PRKCH: variants seen among roughly 807,000 people sequenced by gnomAD.
The protein encoded by PRKCH is protein kinase C eta type.
In PRKCH, 28 loss-of-function variants were observed where a neutral mutation model predicts 82.5. That is an observed-to-expected ratio of 0.34 (90% CI 0.25 to 0.47). The LOEUF is 0.47. PRKCH is among the 20% of genes least tolerant of loss of function. PRKCH has a pLI of 1.00. For missense variants in PRKCH, 705 were observed against 881.8 expected, an observed-to-expected ratio of 0.80 and a Z score of 2.54; for synonymous variants, 322 against 327.4, an observed-to-expected ratio of 0.98 and a Z score of 0.18.
At chr14:61,324,597 A>T (rs1192503742) in intron 1 of PRKCH, among the ~76,000 whole-genome samples, 1 of 152,052 alleles carries the variant, frequency 6.6e-6, no homozygotes, top group African/African-American at 2.4e-5. Context: ...ATGCTTTTTT[A>T]AAAAAGTATC....
chr14:61,311,397 T>G (rs2045522624), intron 1 of PRKCH, among the ~76,000 whole-genome samples: 1 of 152,202 alleles, frequency 6.6e-6, no homozygotes, highest in African/African-American at 2.4e-5. Context: ...GTTCAATAAG[T>G]TCCTCATCTC....
At position 61,290,878 on chromosome 14, in the gene PRKCH, C is replaced by G. The variant is rs559210651; in HGVS notation, c.-19+103210C>G. On this transcript the variant is annotated intron_variant, in intron 1 of 3. Transcript: ENST00000555185. The stretch of plus-strand genomic sequence containing the variant: ...CAGCATCCGTGTTGCCAGTTAAATA[C>G]AGAGCCATATGTTTTAATAAGCCAG... Among the ~76,000 whole-genome samples, 8 of 152,260 alleles carry G rather than the reference C, an allele frequency of 5.3e-5. No homozygotes were observed. In the South Asian group the frequency reaches 1.7e-3, roughly 32 times the overall value.
intron 1 of PRKCH, among the ~76,000 whole-genome samples, chr14:61,248,776 GTATGTATGTATGTATGTATGTA>G (rs775038311): frequency 0.062 from 6,709 of 108,914 alleles, 241 homozygotes; most frequent in Middle Eastern, 0.1. Flanking sequence ...ATGTATGTAT[GTATGTATGTATGTATGTATGTA>G]TGTGTGTGTG....
Position 61,457,182 on chromosome 14 carries a change from G to A in PRKCH, c.967G>A (p.Val323Ile), listed in dbSNP as rs772743419. The A allele has an allele frequency of 7.4e-6, 12 of 1,613,866 alleles. No homozygotes were observed. Among genetic ancestry groups the A allele is most frequent in the Admixed American group, 6.7e-5 (4 of 59,972 alleles). ...PGNISPTSKLVSRSTLRRQGK... is the reference protein window; with the variant it reads ...PGNISPTSKLISRSTLRRQGK... ...TGTGTTCTTACTCTTTCAGAAACTC[G>A]TTTCCAGATCGACCCTAAGACGACA... Residue 323 changes from valine (V) to isoleucine (I), a missense_variant, in exon 8 of 14, where the codon GTT becomes ATT. By Grantham distance (29) the Val-to-Ile change is conservative. Around this residue, in one of 5 missense-constraint regions of PRKCH, gnomAD observed 238 missense variants for 258.1 expected, o/e 0.92. Transcript: ENST00000332981.
At chr14:61,428,280 C>T (rs966838890) in intron 2 of PRKCH, among the ~76,000 whole-genome samples, 1 of 152,024 alleles carries the variant, frequency 6.6e-6, no homozygotes, top group Non-Finnish European at 1.5e-5. Context: ...ATTATAGGTG[C>T]TCTGCACTCT....
intron 2 of PRKCH, among the ~76,000 whole-genome samples, chr14:61,420,351 G>A (rs1046535998): frequency 6.6e-6 from 1 of 152,122 alleles, no homozygotes; most frequent in Non-Finnish European, 1.5e-5. Flanking sequence ...AATGATGAAA[G>A]TGTTGTTGGA....
At chr14:61,257,129 A>G (rs1049424787) in intron 1 of PRKCH, among the ~76,000 whole-genome samples, 1 of 152,152 alleles carries the variant, frequency 6.6e-6, no homozygotes, top group African/African-American at 2.4e-5. Context: ...TTAATCCACT[A>G]CTCTCTGCAT....
At chr14:61,298,843 C>G (rs2045426182) in intron 1 of PRKCH, 1 of 152,094 alleles carries the variant, frequency 6.6e-6, no homozygotes, top group African/African-American at 2.4e-5. Context: ...GACCAAGGGG[C>G]ATAAAGCAGA....
At chr14:61,320,701 G>A (rs1336159779), upstream of PRKCH, among the ~76,000 whole-genome samples, 1 of 152,232 alleles carries the variant, frequency 6.6e-6, no homozygotes, top group African/African-American at 2.4e-5. Context: ...GCATAGCAGC[G>A]TAGGCTAAAA....
intron 1 of PRKCH, among the ~76,000 whole-genome samples, chr14:61,356,148 A>AG (rs966648909): frequency 3.9e-5 from 6 of 152,086 alleles, no homozygotes; most frequent in African/African-American, 1.2e-4. Context: ...GAGGAAGTGG[A>AG]GGGGGGTGGC....
chr14:61,433,444 A>G (rs1250231402), intron 2 of PRKCH, among the ~76,000 whole-genome samples: 1 of 152,190 alleles, frequency 6.6e-6, no homozygotes, highest in Non-Finnish European at 1.5e-5. Context: ...CAGGAAACAT[A>G]TGTTTATCTG....
At chr14:61,512,792 A>G (rs1566922375) in intron 10 of PRKCH, among the ~76,000 whole-genome samples, 2 of 152,062 alleles carry the variant, frequency 1.3e-5, no homozygotes, top group African/African-American at 2.4e-5. Flanking sequence ...TACAAGCCCA[A>G]TTTTCTTTGT....
At chr14:61,292,790 A>AAAAGC in intron 1 of PRKCH, among the ~76,000 whole-genome samples, 1 of 150,830 alleles carries the variant, frequency 6.6e-6, no homozygotes, top group Non-Finnish European at 1.5e-5. Context: ...AAAAAAAAAA[A>AAAAGC]AAGCACCAAG....
intron 1 of PRKCH, among the ~76,000 whole-genome samples, chr14:61,268,807 A>C (rs2045126772): frequency 6.6e-6 from 1 of 152,162 alleles, no homozygotes; most frequent in African/African-American, 2.4e-5. Context: ...AATTCATAGA[A>C]TGCTAACTGG....
At chr14:61,292,364 C>T (rs963708620) in intron 1 of PRKCH, among the ~76,000 whole-genome samples, 1 of 151,796 alleles carries the variant, frequency 6.6e-6, no homozygotes, top group Non-Finnish European at 1.5e-5. Context: ...CATATGTGGT[C>T]CTAGCTACTA....
At chr14:61,500,811 G>A (rs920384979) in intron 10 of PRKCH, among the ~76,000 whole-genome samples, 2 of 152,114 alleles carry the variant, frequency 1.3e-5, no homozygotes, top group Non-Finnish European at 1.5e-5. Context: ...GGCTGAGCAC[G>A]GGGGTGGGAT....
chr14:61,381,024 T>C (rs1033923474), intron 1 of PRKCH, among the ~76,000 whole-genome samples: 4 of 152,168 alleles, frequency 2.6e-5, no homozygotes, highest in Non-Finnish European at 5.9e-5. Context: ...CATAAGGATG[T>C]ATTTTAGAGA....
chr14:61,453,745 C>T lies in PRKCH; in HGVS notation c.960+392C>T, dbSNP rs546070822. ...TATGGTTCTCTGCAGACTCGACTGC[C>T]TAGGCTCAAGTGATCCTCCTACCTC... On this transcript the variant is annotated intron_variant, in intron 7 of 13. Coordinates refer to ENST00000332981, the MANE Select transcript of PRKCH (RefSeq NM_006255.5). 2.6e-5 allele frequency among the ~76,000 whole-genome samples: 4 copies of T among 151,992 alleles called. No individual in the cohort carries two copies. In the South Asian group the frequency reaches 8.3e-4, roughly 32 times the overall value.
chr14:61,221,181 A>T (rs2044653270), intron 1 of PRKCH, among the ~76,000 whole-genome samples: 1 of 152,212 alleles, frequency 6.6e-6, no homozygotes, highest in Non-Finnish European at 1.5e-5. Flanking sequence ...ATCGGCTCAG[A>T]GGGAGCTGGA....
Sources: gnomAD v4.1 joint callset for allele counts (sites outside exome capture counted in the v4.1 genomes callset) on GRCh38, gnomAD v4.1.1 for gene constraint, gnomAD v4.1.1 regional missense constraint, MANE v1.5 for transcripts, NCBI Gene and HGNC (gene_info 2026-07-23, HGNC 2026-07-21) for gene names.